BMPR1A: variants seen among roughly 807,000 people sequenced by gnomAD.
BMPR1A encodes the protein bone morphogenetic protein receptor type-1A.
In BMPR1A, 7 loss-of-function variants were observed where a neutral mutation model predicts 66.0. The ratio of observed to expected loss-of-function variants is 0.11; its 90% CI spans 0.06 to 0.20. BMPR1A has a LOEUF of 0.20. Among genes scored for constraint, BMPR1A ranks in the 10% least tolerant of loss-of-function variants. The pLI is 1.00. For synonymous variants in BMPR1A, 200 were observed against 229.7 expected (o/e 0.87, Z 1.17); for missense variants, 408 against 669.1 (o/e 0.61, Z 4.31).
chr10:86,862,387 C>T (rs954034703), intron 2 of BMPR1A, among the ~76,000 whole-genome samples: 1 of 152,178 alleles, frequency 6.6e-6, no homozygotes, highest in South Asian at 2.1e-4. Flanking sequence ...GTGCAAGGAA[C>T]ACCTATTAGG....
chr10:86,770,148 A>G (rs1184409658), intron 1 of BMPR1A, among the ~76,000 whole-genome samples: 1 of 152,148 alleles, frequency 6.6e-6, no homozygotes, highest in Non-Finnish European at 1.5e-5. Flanking sequence ...AAAATTAGCT[A>G]GGCGTGGTGG....
At position 86,832,357 on chromosome 10, in the gene BMPR1A, T is replaced by C. The variant is rs578140101; in HGVS notation, c.-267-6508T>C. Among the ~76,000 whole-genome samples, 8 of 152,068 alleles carry C rather than the reference T, an allele frequency of 5.3e-5. No homozygotes were observed. In the South Asian group the frequency reaches 1.7e-3, roughly 32 times the overall value. ...GGCACATGCCTGTAGTCCCAGCTACTTGGGAGGCTGAGGCAGGAGAATTGC... is the reference window on the plus strand; with the variant it reads ...GGCACATGCCTGTAGTCCCAGCTACCTGGGAGGCTGAGGCAGGAGAATTGC... On this transcript the variant is annotated intron_variant, in intron 1 of 12. Transcript: ENST00000372037.
intron 1 of BMPR1A, among the ~76,000 whole-genome samples, chr10:86,773,611 A>C (rs1482894410): frequency 7.3e-5 from 11 of 151,236 alleles, no homozygotes; most frequent in South Asian, 4.2e-4. Context: ...AAAAAAAAAA[A>C]AAAAAACACA....
intron 3 of BMPR1A, among the ~76,000 whole-genome samples, chr10:86,881,199 G>A (rs1177098654): frequency 1.3e-5 from 2 of 152,062 alleles, no homozygotes; most frequent in African/African-American, 2.4e-5. Flanking sequence ...CAATGATGAC[G>A]CCACTGCACT....
chr10:86,793,817 T>C (rs1335023318), intron 1 of BMPR1A, among the ~76,000 whole-genome samples: 1 of 152,214 alleles, frequency 6.6e-6, no homozygotes, highest in Non-Finnish European at 1.5e-5. Flanking sequence ...CTCACTAGGC[T>C]AAGATGCAGG....
At chr10:86,852,980 G>GT (rs1222869976) in intron 2 of BMPR1A, among the ~76,000 whole-genome samples, 1 of 152,082 alleles carries the variant, frequency 6.6e-6, no homozygotes, top group Non-Finnish European at 1.5e-5. Flanking sequence ...GCTGAAAGTT[G>GT]TTTTTTATGA....
chr10:86,893,649 G>C (rs1397523292), intron 5 of BMPR1A, among the ~76,000 whole-genome samples: 1 of 152,106 alleles, frequency 6.6e-6, no homozygotes. Flanking sequence ...TTAGCTGGAC[G>C]TGGTGGCGGG....
chr10:86,931,383 A>C (rs1843809775), downstream of BMPR1A: 1 of 149,656 alleles, frequency 6.7e-6, no homozygotes, highest in Admixed American at 6.7e-5. Context: ...TTTAAAAGCC[A>C]GTTTAGAATC....
chr10:86,777,245 G>T (rs891533740), intron 1 of BMPR1A, among the ~76,000 whole-genome samples: 1 of 152,118 alleles, frequency 6.6e-6, no homozygotes, highest in East Asian at 1.9e-4. Context: ...ATCCAACTGT[G>T]CCTACTCTAC....
At chr10:86,783,597 T>A (rs1473802835) in intron 1 of BMPR1A, among the ~76,000 whole-genome samples, 2 of 152,262 alleles carry the variant, frequency 1.3e-5, no homozygotes, top group Non-Finnish European at 2.9e-5. Flanking sequence ...AGTTTTACTT[T>A]ATTTTTTTAG....
chr10:86,824,303 A>G (rs1296921067), intron 1 of BMPR1A, among the ~76,000 whole-genome samples: 1 of 152,156 alleles, frequency 6.6e-6, no homozygotes, highest in African/African-American at 2.4e-5. Flanking sequence ...GCAGCTCCTC[A>G]GAACCTGTTG....
intron 7 of BMPR1A, among the ~76,000 whole-genome samples, chr10:86,908,100 A>G (rs1176482725): frequency 1.3e-5 from 2 of 152,122 alleles, no homozygotes; most frequent in African/African-American, 4.8e-5. Context: ...GCTGCTGGGG[A>G]GGCTGAGGTG....
At chr10:86,923,277 A>T (rs1260645483) in intron 11 of BMPR1A, 99 bp from the exon 12 acceptor site, 3 of 1,512,982 alleles carry the variant, frequency 2.0e-6, no homozygotes, top group African/African-American at 2.8e-5. Context: ...TTGTGTAAGA[A>T]TCCGTTTTAG....
At chr10:86,857,829 T>C (rs1842663195) in intron 2 of BMPR1A, among the ~76,000 whole-genome samples, 1 of 152,012 alleles carries the variant, frequency 6.6e-6, no homozygotes, top group African/African-American at 2.4e-5. Context: ...TCTTTTTTTT[T>C]TTAAATTAAA....
At chr10:86,866,057 C>G (rs968868094) in intron 2 of BMPR1A, among the ~76,000 whole-genome samples, 1 of 152,144 alleles carries the variant, frequency 6.6e-6, no homozygotes, top group Admixed American at 6.5e-5. Flanking sequence ...CTGACAGGAA[C>G]AGCGAACCAA....
intron 7 of BMPR1A, among the ~76,000 whole-genome samples, chr10:86,906,546 C>T (rs1589285752): frequency 1.5e-5 from 1 of 68,538 alleles, no homozygotes; most frequent in Non-Finnish European, 2.4e-5. Flanking sequence ...GGTGAAACTC[C>T]GTCTCTACCA....
intron 1 of BMPR1A, among the ~76,000 whole-genome samples, chr10:86,766,974 T>A (rs530025061): frequency 6.6e-6 from 1 of 152,056 alleles, no homozygotes; most frequent in East Asian, 1.9e-4. Context: ...CAGGTGCACG[T>A]CACCATGTCC....
chr10:86,758,169 T>C (rs1320419343), intron 1 of BMPR1A, among the ~76,000 whole-genome samples: 1 of 152,230 alleles, frequency 6.6e-6, no homozygotes, highest in Non-Finnish European at 1.5e-5. Flanking sequence ...CCGATTGAAA[T>C]GTAGAATGCG....
At chr10:86,854,990 G>T in intron 2 of BMPR1A, 6 of 180,116 alleles carry the variant, frequency 3.3e-5, no homozygotes, top group Non-Finnish European at 5.6e-5. Flanking sequence ...AGGCTGGGAT[G>T]CAGTGGTGCA....
Sources: gnomAD v4.1 joint callset for allele counts (sites outside exome capture counted in the v4.1 genomes callset) on GRCh38, gnomAD v4.1.1 for gene constraint, MANE v1.5 for transcripts, NCBI Gene and HGNC (gene_info 2026-07-23, HGNC 2026-07-21) for gene names.